PDGFC: variants seen among roughly 807,000 people sequenced by gnomAD.
The protein encoded by PDGFC is platelet-derived growth factor C.
Under a neutral mutation model 35.5 loss-of-function variants are expected in PDGFC, and 12 were observed. The ratio of observed to expected loss-of-function variants is 0.34; its 90% confidence interval spans 0.22 to 0.55. PDGFC has a LOEUF of 0.55. PDGFC is among the 20% of genes least tolerant of loss of function. The probability of loss-of-function intolerance (pLI) is 0.91; values close to 1 mark genes in which losing one functional copy is unlikely to be tolerated. For missense variants in PDGFC, 322 were observed against 412.4 expected (o/e 0.78, Z 1.90); for synonymous variants, 159 against 148.8 (o/e 1.07, Z -0.50).
At chr4:156,860,714 A>G (rs1343168125) in intron 1 of PDGFC, among the ~76,000 whole-genome samples, 1 of 152,186 alleles carries the variant, frequency 6.6e-6, no homozygotes, top group Non-Finnish European at 1.5e-5. Context: ...ATAATGCATA[A>G]TGTAAGACTT....
intron 1 of PDGFC, among the ~76,000 whole-genome samples, chr4:156,879,501 T>C (rs557465281): frequency 2.2e-4 from 33 of 152,002 alleles, no homozygotes; most frequent in Middle Eastern, 3.4e-3. Flanking sequence ...AAAAATAAAC[T>C]CTCCAGGGAT....
At chr4:156,834,855 G>C (rs1729025368) in intron 2 of PDGFC, among the ~76,000 whole-genome samples, 1 of 151,836 alleles carries the variant, frequency 6.6e-6, no homozygotes, top group South Asian at 2.1e-4. Flanking sequence ...TGAATCAAAA[G>C]AATAGTGGGT....
At chr4:156,835,689 T>C (rs1461721668) in intron 2 of PDGFC, among the ~76,000 whole-genome samples, 1 of 152,200 alleles carries the variant, frequency 6.6e-6, no homozygotes, top group Non-Finnish European at 1.5e-5. Flanking sequence ...ATAGGCAAAG[T>C]AATTTAACCA....
At chr4:156,902,979 C>T (rs556633110) in intron 1 of PDGFC, among the ~76,000 whole-genome samples, 21 of 151,866 alleles carry the variant, frequency 1.4e-4, no homozygotes, top group African/African-American at 4.3e-4. Context: ...TTGATAGAGC[C>T]GCTACTAAGT....
At chr4:156,919,230 T>A (rs1731218643) in intron 1 of PDGFC, among the ~76,000 whole-genome samples, 1 of 152,180 alleles carries the variant, frequency 6.6e-6, no homozygotes, top group African/African-American at 2.4e-5. Flanking sequence ...CTAATCTTAC[T>A]ATAAATTTAA....
intron 1 of PDGFC, among the ~76,000 whole-genome samples, chr4:156,938,744 A>C (rs1307102134): frequency 6.6e-6 from 1 of 151,858 alleles, no homozygotes; most frequent in Non-Finnish European, 1.5e-5. Context: ...CACTTTATTC[A>C]AAAGGAAAAA....
Position 156,968,312 on chromosome 4 carries a change from G to C in PDGFC, c.118+2474C>G, listed in dbSNP as rs185554206. Among the ~76,000 whole-genome samples the C allele has an allele frequency of 2.2e-3, 334 of 152,268 alleles. 1 individual carries two copies. Among genetic ancestry groups the C allele is most frequent in the Non-Finnish European group, 1.6e-3 (107 of 68,026 alleles). The stretch of plus-strand genomic sequence containing the variant: ...TATCAATTTGGACATTTCAGAGTTA[G>C]AGAAGACCTGTCACAAAACGATGCA... On this transcript the variant is annotated intron_variant, in intron 1 of 5. Transcript: ENST00000502773.
chr4:156,943,658 T>C (rs1315805844), intron 1 of PDGFC, among the ~76,000 whole-genome samples: 1 of 152,120 alleles, frequency 6.6e-6, no homozygotes, highest in African/African-American at 2.4e-5. Context: ...ACATTCATTT[T>C]CAGTCTATCT....
At chr4:156,904,298 C>T (rs1035093284) in intron 1 of PDGFC, among the ~76,000 whole-genome samples, 7 of 151,936 alleles carry the variant, frequency 4.6e-5, no homozygotes, top group African/African-American at 1.7e-4. Flanking sequence ...AATTAAAAGC[C>T]TTTTATGGTC....
rs191465592 is a variant in PDGFC, at chr4:156,801,683, C to T, written c.495+9154G>A. Among the ~76,000 whole-genome samples the T allele has an allele frequency of 1.0e-3, 159 of 152,156 alleles. 1 individual carries two copies. The highest frequency in any genetic ancestry group is 3.6e-3 in the African/African-American group (150 of 41,516). ...AAATATAAAGTCAATCTTTAATATG[C>T]ACATCAATATATGAATTCCACTAAT... On this transcript the variant is annotated intron_variant, in intron 3 of 5. Coordinates refer to ENST00000502773, the MANE Select transcript of PDGFC (RefSeq NM_016205.3).
intron 1 of PDGFC, among the ~76,000 whole-genome samples, chr4:156,891,745 G>A (rs796603148): frequency 1.2e-3 from 179 of 152,054 alleles, no homozygotes; most frequent in African/African-American, 4.0e-3. Context: ...CTTTCTCCTC[G>A]CTTTAATATG....
intron 1 of PDGFC, among the ~76,000 whole-genome samples, chr4:156,885,274 C>T (rs1730349062): frequency 6.6e-6 from 1 of 152,118 alleles, no homozygotes; most frequent in South Asian, 2.1e-4. Flanking sequence ...CTTATTTCAT[C>T]TTGTCTCTTC....
At chr4:156,782,646 T>C (rs1731014061) in intron 3 of PDGFC, among the ~76,000 whole-genome samples, 1 of 152,198 alleles carries the variant, frequency 6.6e-6, no homozygotes, top group Admixed American at 6.5e-5. Flanking sequence ...TGTTTTTACA[T>C]GTCGGTCACC....
At chr4:156,800,805 A>G (rs1439970941) in intron 3 of PDGFC, among the ~76,000 whole-genome samples, 1 of 152,224 alleles carries the variant, frequency 6.6e-6, no homozygotes, top group Non-Finnish European at 1.5e-5. Context: ...TGATTTAATC[A>G]ACCCTCATCT....
chr4:156,772,923 G>A, intron 3 of PDGFC, 30 bp from the exon 4 acceptor site: 6 of 1,474,186 alleles, frequency 4.1e-6, no homozygotes, highest in African/African-American at 1.4e-5. Flanking sequence ...TGTGTTAACT[G>A]TTTTAAAAAC....
chr4:156,836,603 T>C (rs2113992), intron 2 of PDGFC, among the ~76,000 whole-genome samples: 71,631 of 152,024 alleles, frequency 0.47, 20,017 homozygotes, highest in African/African-American at 0.78. Flanking sequence ...CTGACTAGGA[T>C]ATAATATTCA....
At chr4:156,772,012 T>C (rs1384165298) in intron 4 of PDGFC, among the ~76,000 whole-genome samples, 1 of 152,114 alleles carries the variant, frequency 6.6e-6, no homozygotes, top group Non-Finnish European at 1.5e-5. Context: ...CAGAATTAGG[T>C]TTAATTAACA....
intron 3 of PDGFC, among the ~76,000 whole-genome samples, chr4:156,789,976 C>CAAAAAAAAAAAA (rs750843965): frequency 1.8e-5 from 1 of 55,950 alleles, no homozygotes; most frequent in African/African-American, 7.5e-5. Flanking sequence ...GTCTCCATCT[C>CAAAAAAAAAAAA]AAAAAAAAAA....
At chr4:156,901,701 C>T (rs1030661379) in intron 1 of PDGFC, among the ~76,000 whole-genome samples, 1 of 152,128 alleles carries the variant, frequency 6.6e-6, no homozygotes, top group Non-Finnish European at 1.5e-5. Flanking sequence ...CAGCTCACTG[C>T]AACCTCCGCC....
Sources: gnomAD v4.1 joint callset for allele counts (sites outside exome capture counted in the v4.1 genomes callset) on GRCh38, gnomAD v4.1.1 for gene constraint, MANE v1.5 for transcripts, NCBI Gene and HGNC (gene_info 2026-07-23, HGNC 2026-07-21) for gene names.